The following FSTL5 variants were observed in gnomAD, a reference collection of about 807,000 sequenced individuals.
FSTL5 encodes the protein follistatin-related protein 5.
FSTL5 carries 62 observed loss-of-function variants against 89.1 expected under a neutral mutation model. That is an observed-to-expected ratio of 0.70 (90% CI 0.57 to 0.86). The LOEUF is 0.86. FSTL5 is among the 40% of genes least tolerant of loss of function. The pLI, the probability that FSTL5 is intolerant of heterozygous loss-of-function variation, is 0.00. For synonymous variants in FSTL5, 383 were observed against 346.2 expected (o/e 1.11, Z -1.18); for missense variants, 1,057 against 1,001.6 (o/e 1.06, Z -0.75).
At chr4:162,037,478 T>C (rs1318193587) in intron 2 of FSTL5, among the ~76,000 whole-genome samples, 6 of 151,934 alleles carry the variant, frequency 3.9e-5, no homozygotes, top group Non-Finnish European at 5.9e-5. Flanking sequence ...CTTGGTATGA[T>C]TGAGCCAATC....
intron 14 of FSTL5, among the ~76,000 whole-genome samples, chr4:161,456,988 G>A (rs1182225432): frequency 6.6e-6 from 1 of 152,138 alleles, no homozygotes; most frequent in East Asian, 1.9e-4. Context: ...AAAACGTAGA[G>A]ACTTATAATT....
chr4:161,520,102 C>T (rs2126514317), intron 10 of FSTL5, among the ~76,000 whole-genome samples: 1 of 152,080 alleles, frequency 6.6e-6, no homozygotes, highest in East Asian at 1.9e-4. Context: ...TATGAGAACT[C>T]TCCTTATCAT....
At chr4:161,512,283 G>C (rs1484043492) in intron 10 of FSTL5, among the ~76,000 whole-genome samples, 2 of 152,062 alleles carry the variant, frequency 1.3e-5, no homozygotes, top group South Asian at 2.1e-4. Flanking sequence ...ACATGTGTTA[G>C]ATGTATTCAG....
intron 1 of FSTL5, among the ~76,000 whole-genome samples, chr4:162,112,190 G>A (rs1731470345): frequency 6.6e-6 from 1 of 152,118 alleles, no homozygotes; most frequent in African/African-American, 2.4e-5. Flanking sequence ...CTGTGACAGA[G>A]AGCAGCTTTT....
At chr4:161,680,497 A>G (rs1737477692) in intron 6 of FSTL5, among the ~76,000 whole-genome samples, 1 of 151,836 alleles carries the variant, frequency 6.6e-6, no homozygotes, top group Non-Finnish European at 1.5e-5. Flanking sequence ...AGTGACAACA[A>G]CTTTAACTTT....
At chr4:161,535,413 A>G (rs1731569621) in intron 10 of FSTL5, among the ~76,000 whole-genome samples, 1 of 152,116 alleles carries the variant, frequency 6.6e-6, no homozygotes, top group Admixed American at 6.6e-5. Context: ...TAAAAATGGG[A>G]AAAGCATAAG....
intron 15 of FSTL5, among the ~76,000 whole-genome samples, chr4:161,419,516 G>A (rs1049105336): frequency 6.6e-6 from 1 of 152,174 alleles, no homozygotes; most frequent in Non-Finnish European, 1.5e-5. Context: ...AGGAATGTCT[G>A]TCCTGAGGTC....
At chr4:162,081,979 T>G (rs1730118433) in intron 2 of FSTL5, among the ~76,000 whole-genome samples, 1 of 151,644 alleles carries the variant, frequency 6.6e-6, no homozygotes, top group South Asian at 2.1e-4. Flanking sequence ...CACACAGGAT[T>G]TTAAATGTGC....
chr4:161,700,812 T>G (rs981520517), intron 6 of FSTL5, among the ~76,000 whole-genome samples: 6 of 152,238 alleles, frequency 3.9e-5, no homozygotes, highest in Non-Finnish European at 5.9e-5. Flanking sequence ...TTTATATGTC[T>G]GTATTTTTAT....
intron 12 of FSTL5, among the ~76,000 whole-genome samples, chr4:161,484,033 A>G (rs180823926): frequency 1.2e-4 from 19 of 152,264 alleles, no homozygotes; most frequent in Admixed American, 8.5e-4. Context: ...GTTAAGGAGT[A>G]CAAGTTATAT....
intron 15 of FSTL5, among the ~76,000 whole-genome samples, chr4:161,427,178 T>C (rs1175616665): frequency 6.6e-6 from 1 of 152,226 alleles, no homozygotes; most frequent in African/African-American, 2.4e-5. Flanking sequence ...TTATTCTTAC[T>C]TTTAATTCAG....
intron 6 of FSTL5, among the ~76,000 whole-genome samples, chr4:161,717,230 T>C (rs1285729198): frequency 6.6e-6 from 1 of 152,236 alleles, no homozygotes; most frequent in South Asian, 2.1e-4. Flanking sequence ...ATGCAGATTC[T>C]ATTTTCTTTA....
At chr4:161,713,495 T>C (rs1266651696) in intron 6 of FSTL5, among the ~76,000 whole-genome samples, 3 of 152,166 alleles carry the variant, frequency 2.0e-5, no homozygotes, top group African/African-American at 4.8e-5. Flanking sequence ...AAGACGGTAA[T>C]GTTGTACAAC....
intron 5 of FSTL5, among the ~76,000 whole-genome samples, chr4:161,772,550 C>T (rs1299694699): frequency 1.3e-5 from 2 of 151,952 alleles, no homozygotes; most frequent in South Asian, 2.1e-4. Flanking sequence ...CTATACACCA[C>T]CAGCAACCAA....
Position 161,726,383 on chromosome 4 carries a change from C to A in FSTL5, c.727+33028G>T, listed in dbSNP as rs538724560. On this transcript the variant is annotated intron_variant, in intron 6 of 15. Coordinates refer to ENST00000306100, the MANE Select transcript of FSTL5 (RefSeq NM_020116.5). ...CTGGGACTACTGGAGCATGCCACCA[C>A]GCCCGGCTAATTTTTGCATTTTTTA... 1.9e-4 allele frequency among the ~76,000 whole-genome samples: 24 copies of A among 123,440 alleles called. No homozygotes were observed. The South Asian group carries it at 4.9e-3, about 25-fold the overall frequency. 81.0% of individuals were successfully genotyped at this position (123,440 alleles called of 152,430 possible). A position where few individuals can be genotyped will look rare whatever the true frequency, so the allele number is the denominator to read the frequency against.
intron 12 of FSTL5, among the ~76,000 whole-genome samples, chr4:161,494,229 T>C (rs780740655): frequency 6.6e-6 from 1 of 152,148 alleles, no homozygotes; most frequent in Non-Finnish European, 1.5e-5. Flanking sequence ...TTAAGCCATG[T>C]TTGAAAAGAG....
At chr4:161,538,451 C>T in intron 9 of FSTL5, 151 bp from the exon 10 acceptor site, 1 of 797,840 alleles carries the variant, frequency 1.3e-6, no homozygotes, top group Non-Finnish European at 2.0e-6. Context: ...CCAAATTATT[C>T]CAGAAGCATT....
chr4:161,539,179 C>G (rs993394723), intron 9 of FSTL5, among the ~76,000 whole-genome samples: 1 of 151,048 alleles, frequency 6.6e-6, no homozygotes, highest in Non-Finnish European at 1.5e-5. Context: ...TGTGTGCATG[C>G]CTGTGTGGGT....
chr4:161,716,545 C>T (rs1246015247), intron 6 of FSTL5, among the ~76,000 whole-genome samples: 4 of 151,914 alleles, frequency 2.6e-5, no homozygotes, highest in East Asian at 1.9e-4. Flanking sequence ...TGCAGTGATC[C>T]GAGATCATGC....
Sources: gnomAD v4.1 joint callset for allele counts (sites outside exome capture counted in the v4.1 genomes callset) on GRCh38, gnomAD v4.1.1 for gene constraint, MANE v1.5 for transcripts, NCBI Gene and HGNC (gene_info 2026-07-23, HGNC 2026-07-21) for gene names.